Variants in ARHGAP15 observed in about 807,000 individuals in gnomAD.
The protein encoded by ARHGAP15 is rho GTPase-activating protein 15.
A neutral mutation model predicts 63.7 loss-of-function variants in ARHGAP15; 51 were observed. The ratio of observed to expected loss-of-function variants is 0.80; its 90% CI spans 0.64 to 1.01. The LOEUF (loss-of-function observed/expected upper bound fraction) is 1.01, where lower values mean the gene tolerates loss of function less well. Among genes scored for constraint, ARHGAP15 ranks in the 50% least tolerant of loss-of-function variants. ARHGAP15 has a pLI of 0.00. For synonymous variants in ARHGAP15, 191 were observed against 193.8 expected, an observed-to-expected ratio of 0.99 and a Z score of 0.12; for missense variants, 560 against 564.6, an observed-to-expected ratio of 0.99 and a Z score of 0.08.
At chr2:143,177,305 A>G (rs1303805185) in intron 2 of ARHGAP15, among the ~76,000 whole-genome samples, 1 of 152,164 alleles carries the variant, frequency 6.6e-6, no homozygotes, top group African/African-American at 2.4e-5. Context: ...TCGTAGAATT[A>G]AAAGGAATTC....
At chr2:143,725,922 T>TA (rs1685252804) in intron 13 of ARHGAP15, among the ~76,000 whole-genome samples, 1 of 152,238 alleles carries the variant, frequency 6.6e-6, no homozygotes, top group Admixed American at 6.5e-5. Flanking sequence ...CCTGAATATC[T>TA]ATACAAACAG....
chr2:143,529,830 T>C (rs569240060), intron 10 of ARHGAP15, among the ~76,000 whole-genome samples: 1 of 152,254 alleles, frequency 6.6e-6, no homozygotes, highest in South Asian at 2.1e-4. Context: ...TCCTCCACAA[T>C]ATTCCAGTGA....
In ARHGAP15 at chr2:143,218,887, A is replaced by G. The variant is rs566907502; in HGVS notation, c.296+2442A>G. 2.0e-5 allele frequency among the ~76,000 whole-genome samples: 3 copies of G among 152,328 alleles called. No homozygotes were observed. In the East Asian group the frequency reaches 5.8e-4, roughly 29 times the overall value. On this transcript the variant is annotated intron_variant, in intron 4 of 13. Transcript: ENST00000295095. ...TGTATCTAAACATACCTGAACATGG[A>G]AACGATAATGCATTGCGCTATGATG...
At chr2:143,353,664 T>A (rs1468172708) in intron 6 of ARHGAP15, among the ~76,000 whole-genome samples, 2 of 152,174 alleles carry the variant, frequency 1.3e-5, no homozygotes, top group Non-Finnish European at 2.9e-5. Flanking sequence ...GAAAGCTTCT[T>A]CTCATTCCAG....
intron 12 of ARHGAP15, among the ~76,000 whole-genome samples, chr2:143,629,847 T>C (rs938603504): frequency 6.6e-6 from 1 of 152,170 alleles, no homozygotes; most frequent in African/African-American, 2.4e-5. Flanking sequence ...TAGAACAGGA[T>C]TTTCTTACTC....
At chr2:143,461,414 G>A (rs377532386) in intron 8 of ARHGAP15, among the ~76,000 whole-genome samples, 8 of 151,848 alleles carry the variant, frequency 5.3e-5, no homozygotes, top group African/African-American at 1.9e-4. Flanking sequence ...GGGTAGTGAA[G>A]TTGTGATGTA....
intron 1 of ARHGAP15, among the ~76,000 whole-genome samples, chr2:143,145,836 AGG>A (rs1689559640): frequency 8.8e-6 from 1 of 113,450 alleles, no homozygotes; most frequent in African/African-American, 3.4e-5. Flanking sequence ...ATATATGTAT[AGG>A]GGTGTGTGTG....
chr2:143,223,854 T>G (rs1693097405), intron 4 of ARHGAP15, among the ~76,000 whole-genome samples: 2 of 152,212 alleles, frequency 1.3e-5, no homozygotes, highest in Non-Finnish European at 2.9e-5. Flanking sequence ...TGTTTTCCCT[T>G]GGTTAGGATG....
chr2:143,539,784 A>C (rs1574602693), intron 10 of ARHGAP15, among the ~76,000 whole-genome samples: 2 of 152,006 alleles, frequency 1.3e-5, no homozygotes, highest in African/African-American at 4.8e-5. Context: ...TTTGCTGAGG[A>C]GTGCTTTACT....
At chr2:143,153,840 T>TCCTCCTCCTCCTCCTCC (rs1553440925) in intron 1 of ARHGAP15, among the ~76,000 whole-genome samples, 9 of 78,410 alleles carry the variant, frequency 1.1e-4, no homozygotes, top group African/African-American at 3.7e-4. Flanking sequence ...CTTCTTCTTC[T>TCCTCCTCCTCCTCCTCC]TCTTCCTCCT....
intron 8 of ARHGAP15, among the ~76,000 whole-genome samples, chr2:143,470,909 T>C (rs938735221): frequency 2.0e-5 from 3 of 150,264 alleles, no homozygotes; most frequent in African/African-American, 7.3e-5. Context: ...TGTATATATA[T>C]ACACGTATGT....
intron 6 of ARHGAP15, among the ~76,000 whole-genome samples, chr2:143,377,612 C>T (rs556725118): frequency 7.9e-5 from 12 of 151,554 alleles, no homozygotes; most frequent in East Asian, 5.8e-4. Context: ...AAATACTTTT[C>T]GAAAGACAAT....
intron 6 of ARHGAP15, among the ~76,000 whole-genome samples, chr2:143,401,098 CA>C (rs1021925430): frequency 2.0e-5 from 3 of 150,678 alleles, no homozygotes; most frequent in African/African-American, 4.9e-5. Context: ...AATGTGTAGA[CA>C]AAAAAAAGAG....
chr2:143,210,536 T>C (rs1031441333), intron 3 of ARHGAP15, among the ~76,000 whole-genome samples: 1 of 152,108 alleles, frequency 6.6e-6, no homozygotes, highest in Non-Finnish European at 1.5e-5. Flanking sequence ...AAACATAATA[T>C]GTGCTTTGCC....
chr2:143,460,840 C>T (rs1399617172), intron 8 of ARHGAP15, among the ~76,000 whole-genome samples: 1 of 152,116 alleles, frequency 6.6e-6, no homozygotes, highest in East Asian at 1.9e-4. Context: ...GGGCAGCTTC[C>T]AGGGGCAGTT....
chr2:143,636,423 A>G (rs1232683253), intron 12 of ARHGAP15, among the ~76,000 whole-genome samples: 2 of 152,142 alleles, frequency 1.3e-5, no homozygotes, highest in Non-Finnish European at 2.9e-5. Context: ...AGTCGTCAGG[A>G]AAAGAAGAAT....
chr2:143,138,931 A>G (rs10189773), intron 1 of ARHGAP15, among the ~76,000 whole-genome samples: 30,660 of 152,046 alleles, frequency 0.2, 3,366 homozygotes, highest in East Asian at 0.33. Flanking sequence ...AACTTTTCCA[A>G]TGTGGCTACA....
At chr2:143,637,870 C>A (rs926927111) in intron 12 of ARHGAP15, among the ~76,000 whole-genome samples, 6 of 152,114 alleles carry the variant, frequency 3.9e-5, no homozygotes, top group African/African-American at 1.4e-4. Flanking sequence ...CAAAAGAAGA[C>A]ATTTAGGCAG....
At chr2:143,535,994 G>C (rs542913918) in intron 10 of ARHGAP15, among the ~76,000 whole-genome samples, 2 of 151,780 alleles carry the variant, frequency 1.3e-5, no homozygotes, top group African/African-American at 4.8e-5. Context: ...TATAGATATT[G>C]TGTAATAGTT....
Sources: gnomAD v4.1 joint callset for allele counts (sites outside exome capture counted in the v4.1 genomes callset) on GRCh38, gnomAD v4.1.1 for gene constraint, MANE v1.5 for transcripts, NCBI Gene and HGNC (gene_info 2026-07-23, HGNC 2026-07-21) for gene names.